CNGA3: variants seen among roughly 807,000 people sequenced by gnomAD.
The protein encoded by CNGA3 is cyclic nucleotide-gated channel alpha-3.
In CNGA3, 42 loss-of-function variants were observed where a neutral mutation model predicts 46.6. The ratio of observed to expected loss-of-function variants is 0.90; its 90% confidence interval spans 0.70 to 1.17. The LOEUF (loss-of-function observed/expected upper bound fraction) is 1.17. Ranked by LOEUF, CNGA3 falls within the 50% of genes most tolerant of loss-of-function variation. CNGA3 has a pLI of 0.00. For missense variants in CNGA3, 893 were observed against 890.7 expected (o/e 1.00, Z -0.03); for synonymous variants, 394 against 369.4 (o/e 1.07, Z -0.76).
chr2:98,375,198 T>C (rs1692376463), intron 2 of CNGA3, among the ~76,000 whole-genome samples: 1 of 152,258 alleles, frequency 6.6e-6, no homozygotes, highest in African/African-American at 2.4e-5. Context: ...TGATGTTATC[T>C]AATTCATTTG....
intron 1 of CNGA3, among the ~76,000 whole-genome samples, chr2:98,359,188 G>A (rs1178977745): frequency 1.3e-5 from 2 of 152,208 alleles, no homozygotes; most frequent in African/African-American, 2.4e-5. Context: ...ACCTTCCTGA[G>A]GGATGGAAGA....
chr2:98,348,558 C>A (rs958016933), intron 1 of CNGA3, among the ~76,000 whole-genome samples: 1 of 152,164 alleles, frequency 6.6e-6, no homozygotes, highest in Non-Finnish European at 1.5e-5. Flanking sequence ...TCCGTCCCGC[C>A]CTCCCCTTCC....
At chr2:98,393,938 A>C (rs925764023) in intron 7 of CNGA3, among the ~76,000 whole-genome samples, 1 of 151,352 alleles carries the variant, frequency 6.6e-6, no homozygotes, top group African/African-American at 2.4e-5. Context: ...GGGGCTGTGA[A>C]GTGGGGTGTT....
chr2:98,349,736 G>T (rs1691733690), intron 1 of CNGA3, among the ~76,000 whole-genome samples: 1 of 152,198 alleles, frequency 6.6e-6, no homozygotes, highest in Non-Finnish European at 1.5e-5. Context: ...CTAGCACAGG[G>T]TGAGTGCTCA....
chr2:98,378,638 T>C (rs974657227), intron 3 of CNGA3, among the ~76,000 whole-genome samples: 1 of 152,260 alleles, frequency 6.6e-6, no homozygotes, highest in African/African-American at 2.4e-5. Context: ...TAGCTGGGCA[T>C]GTAAGTGATG....
intron 1 of CNGA3, among the ~76,000 whole-genome samples, chr2:98,362,173 CTTTT>C (rs1231791527): frequency 3.3e-5 from 3 of 89,826 alleles, no homozygotes; most frequent in African/African-American, 8.5e-5. Context: ...CCTTTGCCCA[CTTTT>C]TTTTTTTTTT....
intron 1 of CNGA3, chr2:98,356,115 G>C (rs1486192187): frequency 6.6e-6 from 1 of 152,168 alleles, no homozygotes; most frequent in African/African-American, 2.4e-5. Context: ...AGCAGGATGG[G>C]GGCATAAGGG....
chr2:98,395,668 T>G (rs886954299), intron 7 of CNGA3, among the ~76,000 whole-genome samples, 176 bp from the exon 8 acceptor site: 1 of 152,324 alleles, frequency 6.6e-6, no homozygotes, highest in East Asian at 1.9e-4. Flanking sequence ...CCTCATAGAA[T>G]AGAAAATATC....
At chr2:98,376,769 T>G (rs934611742) in intron 2 of CNGA3, among the ~76,000 whole-genome samples, 4 of 152,238 alleles carry the variant, frequency 2.6e-5, no homozygotes, top group Non-Finnish European at 4.4e-5. Flanking sequence ...TCAAGACTCA[T>G]AGACTGAAGT....
intron 6 of CNGA3, 63 bp from the exon 7 acceptor site, chr2:98,391,801 G>A: frequency 1.3e-6 from 2 of 1,516,114 alleles, no homozygotes; most frequent in Non-Finnish European, 1.8e-6. Context: ...CGTGCCCACA[G>A]GTGGGTGGTC....
In CNGA3 at chr2:98,391,941, T is replaced by A; in HGVS notation, c.644T>A (p.Val215Asp). ...VLDYSADVLY[V>D]LDVLVRARTG... The stretch of plus-strand genomic sequence containing the variant: ...GACTACTCGGCAGATGTCCTGTATG[T>A]CTTGGATGTGCTTGTACGAGCTCGG... Residue 215 changes from valine (V) to aspartate (D), a missense_variant, in exon 7 of 8, where the codon GTC becomes GAC. Val to Asp is a radical substitution (Grantham distance 152, BLOSUM62 -3). Transcript: ENST00000272602. The A allele has an allele frequency of 6.2e-7, 1 of 1,614,062 alleles. No homozygotes were observed. Among genetic ancestry groups the A allele is most frequent in the Non-Finnish European group, 8.5e-7 (1 of 1,179,974 alleles).
intron 1 of CNGA3, among the ~76,000 whole-genome samples, chr2:98,348,278 T>A (rs1465364463): frequency 6.6e-6 from 1 of 152,156 alleles, no homozygotes; most frequent in African/African-American, 2.4e-5. Flanking sequence ...GGAGGCAGGA[T>A]CTTAATCACT....
At chr2:98,352,826 T>G (rs1691795960) in intron 1 of CNGA3, among the ~76,000 whole-genome samples, 1 of 152,202 alleles carries the variant, frequency 6.6e-6, no homozygotes, top group South Asian at 2.1e-4. Context: ...CCACTGGCTT[T>G]TCTGGTCTCC....
rs1357926037 is a variant in CNGA3 at position 98,397,362 on chromosome 2, T to A, written c.*107T>A. The A allele has an allele frequency of 5.2e-6, 6 of 1,160,040 alleles. No individual in the cohort carries two copies. The African/African-American group carries it at 9.1e-5, about 18-fold the overall frequency. The allele number at this position is 1,160,040 out of a possible 1,614,324, so 71.9% of individuals were successfully genotyped here. Reference sequence around the variant, plus strand: ...GGTCAGGGTTGAATTCCAGCTCTACTCACCCTTTGAAAGCTGTGTGACTGC... The same window carrying A: ...GGTCAGGGTTGAATTCCAGCTCTACACACCCTTTGAAAGCTGTGTGACTGC... On this transcript the variant is annotated 3_prime_UTR_variant, in exon 8 of 8. Transcript: ENST00000272602.
chr2:98,346,592 C>T (rs1181184857), intron 1 of CNGA3, 58 bp downstream of exon 1: 6 of 396,644 alleles, frequency 1.5e-5, no homozygotes, highest in Middle Eastern at 6.2e-4. Context: ...GGGAGGTGTG[C>T]TGGGGCCGCA....
intron 1 of CNGA3, among the ~76,000 whole-genome samples, chr2:98,358,266 G>C (rs1041797224): frequency 1.3e-5 from 2 of 152,152 alleles, no homozygotes; most frequent in Non-Finnish European, 2.9e-5. Flanking sequence ...TTTCCTATAG[G>C]AATTGACCAA....
intron 1 of CNGA3, among the ~76,000 whole-genome samples, chr2:98,359,732 C>A (rs909169693): frequency 6.6e-6 from 1 of 152,190 alleles, no homozygotes; most frequent in African/African-American, 2.4e-5. Context: ...TCTGTGGACG[C>A]CCTGGCCACA....
intron 1 of CNGA3, among the ~76,000 whole-genome samples, chr2:98,369,002 G>A (rs1355860814): frequency 6.6e-6 from 1 of 152,242 alleles, no homozygotes; most frequent in African/African-American, 2.4e-5. Context: ...TGGGGAAGTT[G>A]CGAATCTTAC....
intron 1 of CNGA3, among the ~76,000 whole-genome samples, chr2:98,363,526 CT>C (rs1281706660): frequency 6.6e-6 from 1 of 152,096 alleles, no homozygotes; most frequent in Non-Finnish European, 1.5e-5. Context: ...GCTTAAGAAG[CT>C]TTTGGGCCAA....
Sources: allele counts gnomAD v4.1 joint callset (sites outside exome capture counted in the v4.1 genomes callset), GRCh38; gene constraint gnomAD v4.1.1; transcripts MANE v1.5; gene names NCBI Gene and HGNC (gene_info 2026-07-23, HGNC 2026-07-21).